SLIT3: variants seen among roughly 807,000 people sequenced by gnomAD.
SLIT3 encodes slit homolog 3 protein.
A neutral mutation model predicts 184.0 loss-of-function variants in SLIT3; 68 were observed. The observed-to-expected ratio is 0.37, with a 90% CI of 0.30 to 0.45. The LOEUF is 0.45. Among genes scored for constraint, SLIT3 ranks in the 20% least tolerant of loss-of-function variants. The probability of loss-of-function intolerance (pLI) is 1.00; values close to 1 mark genes in which losing one functional copy is unlikely to be tolerated. For synonymous variants in SLIT3, 831 were observed against 828.6 expected (o/e 1.00, Z -0.05); for missense variants, 1,707 against 2,026.0 (o/e 0.84, Z 3.02).
intron 20 of SLIT3, among the ~76,000 whole-genome samples, chr5:168,743,846 T>A (rs1163069365): frequency 6.6e-6 from 1 of 152,186 alleles, no homozygotes; most frequent in Non-Finnish European, 1.5e-5. Flanking sequence ...GCGGTCTGGA[T>A]AGAAAAATCA....
At chr5:168,816,830 G>A (rs1366097359) in intron 8 of SLIT3, among the ~76,000 whole-genome samples, 2 of 152,138 alleles carry the variant, frequency 1.3e-5, no homozygotes, top group East Asian at 1.9e-4. Context: ...CCATATTGCG[G>A]ATGAGCAGTA....
intron 4 of SLIT3, among the ~76,000 whole-genome samples, chr5:169,047,151 A>G (rs1387461002): frequency 2.0e-5 from 3 of 151,962 alleles, no homozygotes; most frequent in East Asian, 1.9e-4. Flanking sequence ...GACGCCCCCA[A>G]CTCAACGGGC....
At chr5:169,064,960 A>G (rs978977933) in intron 4 of SLIT3, among the ~76,000 whole-genome samples, 6 of 152,204 alleles carry the variant, frequency 3.9e-5, no homozygotes, top group African/African-American at 1.4e-4. Flanking sequence ...GCCTTGACAC[A>G]AAGAGTTCTG....
intron 3 of SLIT3, among the ~76,000 whole-genome samples, chr5:169,217,570 G>A (rs984210476): frequency 7.2e-5 from 11 of 152,154 alleles, no homozygotes; most frequent in African/African-American, 2.7e-4. Context: ...ATCCAGCCTG[G>A]GGTTCCTGGG....
intron 4 of SLIT3, among the ~76,000 whole-genome samples, chr5:168,968,943 C>T (rs1165052454): frequency 6.6e-6 from 1 of 152,138 alleles, no homozygotes; most frequent in East Asian, 1.9e-4. Flanking sequence ...CAGAAGGAAA[C>T]CCAGGTGGAG....
At chr5:169,135,181 A>G (rs192827527) in intron 4 of SLIT3, among the ~76,000 whole-genome samples, 22 of 152,238 alleles carry the variant, frequency 1.4e-4, no homozygotes, top group Non-Finnish European at 2.1e-4. Context: ...ATCTCAGCTC[A>G]TTGCAATCTC....
chr5:169,121,132 C>T (rs916274886), intron 4 of SLIT3, among the ~76,000 whole-genome samples: 1 of 152,134 alleles, frequency 6.6e-6, no homozygotes, highest in African/African-American at 2.4e-5. Flanking sequence ...AGTCTATGTT[C>T]TCAAGGACTC....
At chr5:168,909,108 G>A (rs773326873) in intron 4 of SLIT3, among the ~76,000 whole-genome samples, 2 of 152,120 alleles carry the variant, frequency 1.3e-5, no homozygotes, top group African/African-American at 2.4e-5. Context: ...TGCGTCCTCC[G>A]GTCACACATC....
intron 20 of SLIT3, among the ~76,000 whole-genome samples, chr5:168,747,010 G>GA (rs1754493214): frequency 2.6e-5 from 4 of 150,998 alleles, no homozygotes; most frequent in African/African-American, 9.8e-5. Flanking sequence ...TGGTGTGGTG[G>GA]TGTGTGGTGT....
intron 23 of SLIT3, among the ~76,000 whole-genome samples, chr5:168,714,664 G>A (rs985352856): frequency 1.3e-5 from 2 of 152,176 alleles, no homozygotes; most frequent in Non-Finnish European, 2.9e-5. Flanking sequence ...CTACACTGCA[G>A]GTTCTCCATC....
At chr5:169,031,886 A>C (rs1489679037) in intron 4 of SLIT3, among the ~76,000 whole-genome samples, 1 of 152,220 alleles carries the variant, frequency 6.6e-6, no homozygotes, top group African/African-American at 2.4e-5. Flanking sequence ...CCTTTGTTAC[A>C]CAGTTAGAGG....
intron 4 of SLIT3, among the ~76,000 whole-genome samples, chr5:169,149,294 T>TA (rs1247589989): frequency 6.6e-6 from 1 of 151,174 alleles, no homozygotes; most frequent in Non-Finnish European, 1.5e-5. Context: ...ATGGTCTTGT[T>TA]AGAAAAAAAG....
At chr5:169,015,103 C>CA (rs60081779) in intron 4 of SLIT3, among the ~76,000 whole-genome samples, 14,286 of 145,582 alleles carry the variant, frequency 0.098, 1,081 homozygotes, top group African/African-American at 0.22. Context: ...ACTAACTGGA[C>CA]AAAAAAAAAA....
Position 168,685,799 on chromosome 5 carries a change from C to A in SLIT3, c.3443G>T (p.Gly1148Val), listed in dbSNP as rs766315263. 6.2e-7 allele frequency: 1 copy of A among 1,613,906 alleles called. No homozygotes were observed. Among genetic ancestry groups the A allele is most frequent in the Admixed American group, 1.7e-5 (1 of 60,006 alleles). Reference sequence around the variant, plus strand: ...CTTCTCGCATCTGGGGCCGGCGAAGCCTGGTGGGCAGCGGCAGGTGGGCTC... The same window carrying A: ...CTTCTCGCATCTGGGGCCGGCGAAGACTGGTGGGCAGCGGCAGGTGGGCTC... ...QQEPTCRCPP[G>V]FAGPRCEKLI... The change falls in exon 31 of 36, where the codon GGC becomes GTC. Residue 1148 changes from glycine to valine, a missense_variant. By Grantham distance (109) the Gly-to-Val change is moderately radical. Coordinates refer to ENST00000519560, the MANE Select transcript of SLIT3 (RefSeq NM_003062.4).
chr5:168,946,188 G>A (rs1019302266), intron 4 of SLIT3, among the ~76,000 whole-genome samples: 5 of 152,158 alleles, frequency 3.3e-5, no homozygotes, highest in African/African-American at 4.8e-5. Flanking sequence ...CACTATACAC[G>A]TTGACCCTTT....
intron 4 of SLIT3, among the ~76,000 whole-genome samples, chr5:168,990,871 G>A (rs1474908082): frequency 1.3e-5 from 2 of 152,168 alleles, no homozygotes; most frequent in Admixed American, 6.5e-5. Flanking sequence ...AATGCCACAC[G>A]ACAGCTGCCA....
chr5:168,680,039 A>T (rs1243448755), intron 32 of SLIT3, among the ~76,000 whole-genome samples: 1 of 152,110 alleles, frequency 6.6e-6, no homozygotes, highest in Admixed American at 6.5e-5. Flanking sequence ...TCACATAGAA[A>T]CCCCGGTGGT....
chr5:168,702,629 T>C (rs1487190793), intron 26 of SLIT3, among the ~76,000 whole-genome samples: 8 of 152,304 alleles, frequency 5.3e-5, no homozygotes, highest in African/African-American at 1.9e-4. Flanking sequence ...TTAATGGTTA[T>C]ATATGTAAGA....
At chr5:169,203,632 G>C (rs1443587689) in intron 3 of SLIT3, among the ~76,000 whole-genome samples, 1 of 152,172 alleles carries the variant, frequency 6.6e-6, no homozygotes, top group East Asian at 1.9e-4. Context: ...TTTTGCACAT[G>C]CTCTTCCCTT....
Sources: allele counts gnomAD v4.1 joint callset (sites outside exome capture counted in the v4.1 genomes callset), GRCh38; gene constraint gnomAD v4.1.1; transcripts MANE v1.5; gene names NCBI Gene and HGNC (gene_info 2026-07-23, HGNC 2026-07-21).